TRPM3: variants seen among roughly 807,000 people sequenced by gnomAD.
The protein encoded by TRPM3 is transient receptor potential cation channel subfamily M member 3.
A neutral mutation model predicts 181.2 loss-of-function variants in TRPM3; 77 were observed. The ratio of observed to expected loss-of-function variants is 0.42; its 90% CI spans 0.35 to 0.51. TRPM3 has a LOEUF of 0.51. Ranked by LOEUF, TRPM3 falls within the 20% of genes least tolerant of loss-of-function variation. The pLI, the probability that TRPM3 is intolerant of heterozygous loss-of-function variation, is 0.01. For synonymous variants in TRPM3, 745 were observed against 796.4 expected (o/e 0.94, Z 1.09); for missense variants, 1,759 against 2,196.7 (o/e 0.80, Z 3.98).
At chr9:70,684,134 C>A (rs2066181274) in intron 8 of TRPM3, among the ~76,000 whole-genome samples, 1 of 152,122 alleles carries the variant, frequency 6.6e-6, no homozygotes, top group African/African-American at 2.4e-5. Context: ...TCTTCCGAGG[C>A]AGCAAATAGA....
chr9:71,148,270 G>A (rs1485535216), intron 1 of TRPM3, among the ~76,000 whole-genome samples: 1 of 152,086 alleles, frequency 6.6e-6, no homozygotes, highest in African/African-American at 2.4e-5. Context: ...ATTAGAACAT[G>A]TAAATAGTTC....
chr9:70,690,826 T>C (rs114936180), intron 8 of TRPM3, among the ~76,000 whole-genome samples: 4,482 of 152,314 alleles, frequency 0.029, 223 homozygotes, highest in African/African-American at 0.1. Flanking sequence ...GTTTTCTCTT[T>C]GGCGTAATTA....
intron 1 of TRPM3, among the ~76,000 whole-genome samples, chr9:70,995,721 T>C (rs1036985278): frequency 1.3e-5 from 2 of 152,190 alleles, no homozygotes; most frequent in African/African-American, 2.4e-5. Flanking sequence ...ATGGGCAAGA[T>C]GACACATAAA....
intron 1 of TRPM3, among the ~76,000 whole-genome samples, chr9:71,270,440 GC>G (rs2083705173): frequency 6.6e-6 from 1 of 152,096 alleles, no homozygotes; most frequent in Admixed American, 6.6e-5. Flanking sequence ...ATGTCATCTG[GC>G]CCCTGCTCAC....
At chr9:70,619,170 C>T (rs2063227323) in intron 16 of TRPM3, 75 bp from the exon 17 acceptor site, 2 of 1,286,678 alleles carry the variant, frequency 1.6e-6, no homozygotes, top group Non-Finnish European at 2.2e-6. Flanking sequence ...ACCTGCTGGC[C>T]AACCAGAAAA....
At chr9:70,579,563 C>G (rs1049607403) in intron 22 of TRPM3, 1 of 152,180 alleles carries the variant, frequency 6.6e-6, no homozygotes, top group Non-Finnish European at 1.5e-5. Context: ...TTTCTCTCCT[C>G]TGTCTCTGTT....
In TRPM3 at chr9:71,318,962, T is replaced by C. The variant is rs2088922326; in HGVS notation, c.183+127691A>G. On this transcript the variant is annotated intron_variant, in intron 1 of 24. Transcript: ENST00000357533. ...CCAGCTCCAAGCAACTACAGGCTGC[T>C]TTCTGTTACTATTGATAAATTTGCA... is the stretch of plus-strand genomic sequence containing the variant. Among the ~76,000 whole-genome samples the C allele has an allele frequency of 2.0e-5, 3 of 152,168 alleles. No individual in the cohort carries two copies. In the South Asian group the frequency reaches 6.2e-4, roughly 32 times the overall value.
intron 1 of TRPM3, among the ~76,000 whole-genome samples, chr9:70,950,365 T>G (rs1027577543): frequency 6.6e-6 from 1 of 152,230 alleles, no homozygotes; most frequent in Non-Finnish European, 1.5e-5. Flanking sequence ...GTGGCCATAA[T>G]GCATTTTTGA....
At chr9:71,036,139 T>C (rs1186352274) in intron 1 of TRPM3, among the ~76,000 whole-genome samples, 1 of 152,174 alleles carries the variant, frequency 6.6e-6, no homozygotes, top group Non-Finnish European at 1.5e-5. Context: ...GATTTCTCCT[T>C]TGTCATGCTA....
intron 1 of TRPM3, among the ~76,000 whole-genome samples, chr9:71,112,257 C>T (rs570693851): frequency 5.9e-5 from 9 of 152,224 alleles, no homozygotes; most frequent in African/African-American, 1.9e-4. Flanking sequence ...TGTTAGATCA[C>T]CATATTAAGA....
chr9:70,618,688 C>T (rs2063161223), intron 17 of TRPM3, among the ~76,000 whole-genome samples, 179 bp downstream of exon 17: 1 of 152,238 alleles, frequency 6.6e-6, no homozygotes, highest in Non-Finnish European at 1.5e-5. Flanking sequence ...GAGGCCCCAG[C>T]CTCTATATGG....
chr9:71,026,317 C>T (rs1462252462), intron 1 of TRPM3, among the ~76,000 whole-genome samples: 1 of 152,170 alleles, frequency 6.6e-6, no homozygotes, highest in African/African-American at 2.4e-5. Context: ...AGCCTGGCTG[C>T]ACCTGCATGC....
intron 1 of TRPM3, among the ~76,000 whole-genome samples, chr9:71,190,891 G>C (rs1210764458): frequency 6.6e-6 from 1 of 151,814 alleles, no homozygotes; most frequent in Non-Finnish European, 1.5e-5. Flanking sequence ...GCCATTCACA[G>C]GTTCCCTGCC....
chr9:71,114,245 C>T (rs1315020631), intron 1 of TRPM3, among the ~76,000 whole-genome samples: 1 of 152,046 alleles, frequency 6.6e-6, no homozygotes, highest in African/African-American at 2.4e-5. Context: ...TATGCATGTC[C>T]CTCTGAAAAT....
At chr9:70,968,101 C>T (rs1434549674) in intron 1 of TRPM3, among the ~76,000 whole-genome samples, 1 of 152,016 alleles carries the variant, frequency 6.6e-6, no homozygotes, top group Admixed American at 6.6e-5. Context: ...CATTGCTTAC[C>T]TCTTTCCCTG....
At chr9:70,864,121 A>T (rs2095585851) in intron 2 of TRPM3, among the ~76,000 whole-genome samples, 1 of 152,040 alleles carries the variant, frequency 6.6e-6, no homozygotes, top group Non-Finnish European at 1.5e-5. Flanking sequence ...CTAACTAAGC[A>T]TTTGGAGGAG....
At chr9:70,989,208 T>A (rs2097452385) in intron 1 of TRPM3, among the ~76,000 whole-genome samples, 1 of 152,160 alleles carries the variant, frequency 6.6e-6, no homozygotes, top group Non-Finnish European at 1.5e-5. Context: ...TGAAAAAAAA[T>A]TCCTCCTGTT....
In TRPM3 at chr9:70,791,939, C is replaced by T. The variant is rs568152722; in HGVS notation, c.974-7660G>A. 1.9e-3 allele frequency among the ~76,000 whole-genome samples: 288 copies of T among 152,222 alleles called. 1 individual carries two copies. The highest frequency in any genetic ancestry group is 6.6e-3 in the African/African-American group (275 of 41,546). On this transcript the variant is annotated intron_variant, in intron 6 of 25. Coordinates refer to ENST00000677713, the MANE Select transcript of TRPM3 (RefSeq NM_001366145.2). Reference sequence around the variant, plus strand: ...CGACTGGCCTTCTTTTGGGGCATTGCCTTCTTGCTTTGCTTTTCTATCTAG... The same window carrying T: ...CGACTGGCCTTCTTTTGGGGCATTGTCTTCTTGCTTTGCTTTTCTATCTAG...
intron 6 of TRPM3, among the ~76,000 whole-genome samples, chr9:70,786,292 C>A (rs2083566512): frequency 9.6e-6 from 1 of 103,762 alleles, no homozygotes; most frequent in African/African-American, 3.5e-5. Flanking sequence ...TGGTGAAACC[C>A]TGTCACTACT....
Sources: gnomAD v4.1 joint callset for allele counts (sites outside exome capture counted in the v4.1 genomes callset) on GRCh38, gnomAD v4.1.1 for gene constraint, MANE v1.5 for transcripts, NCBI Gene and HGNC (gene_info 2026-07-23, HGNC 2026-07-21) for gene names.